Variants in RIN3 observed in about 807,000 individuals in gnomAD.
RIN3 encodes Ras and Rab interactor 3, also known as RAB5 interacting protein 3.
Under a neutral mutation model 76.3 loss-of-function variants are expected in RIN3, and 54 were observed. The ratio of observed to expected loss-of-function variants is 0.71; its 90% CI spans 0.57 to 0.89. The LOEUF is 0.89. RIN3 is among the 40% of genes least tolerant of loss of function. The probability of loss-of-function intolerance (pLI) is 0.00; values close to 1 mark genes in which losing one functional copy is unlikely to be tolerated. For missense variants in RIN3, 1,256 were observed against 1,322.1 expected, an observed-to-expected ratio of 0.95 and a Z score of 0.78; for synonymous variants, 576 against 564.0, an observed-to-expected ratio of 1.02 and a Z score of -0.30.
chr14:92,632,920 C>T (rs1375176897), intron 4 of RIN3, among the ~76,000 whole-genome samples: 3 of 152,184 alleles, frequency 2.0e-5, no homozygotes, highest in African/African-American at 2.4e-5. Context: ...AAGCCTTGAA[C>T]GCCGTGCCTA....
At chr14:92,546,467 C>T (rs922676765) in intron 1 of RIN3, among the ~76,000 whole-genome samples, 1 of 152,208 alleles carries the variant, frequency 6.6e-6, no homozygotes. Context: ...TGCCTTTTAA[C>T]AGCTGTGTCA....
At chr14:92,589,656 A>G (rs1884909331) in intron 3 of RIN3, among the ~76,000 whole-genome samples, 1 of 152,232 alleles carries the variant, frequency 6.6e-6, no homozygotes, top group Non-Finnish European at 1.5e-5. Flanking sequence ...AAATGGGCTC[A>G]TAATCATAGT....
intron 1 of RIN3, among the ~76,000 whole-genome samples, chr14:92,535,427 G>A (rs886630299): frequency 1.3e-5 from 2 of 149,710 alleles, no homozygotes; most frequent in Non-Finnish European, 3.0e-5. Context: ...TCCACCTCCC[G>A]GGCGAGCTTT....
chr14:92,612,270 A>C (rs1337632517), intron 3 of RIN3, among the ~76,000 whole-genome samples: 1 of 151,766 alleles, frequency 6.6e-6, no homozygotes, highest in Non-Finnish European at 1.5e-5. Context: ...AGGAACCCAC[A>C]GGCAAGACAC....
chr14:92,576,403 C>A, intron 2 of RIN3: 1 of 1,289,674 alleles, frequency 7.8e-7, no homozygotes, highest in Non-Finnish European at 1.0e-6. Context: ...GTTTCTAGAG[C>A]ACAGCTGCGT....
intron 1 of RIN3, among the ~76,000 whole-genome samples, chr14:92,529,414 A>G (rs1401004023): frequency 5.3e-5 from 8 of 151,486 alleles, no homozygotes; most frequent in African/African-American, 1.9e-4. Flanking sequence ...ACGCCCGGCT[A>G]ATTTTTTGTA....
rs569443744 is a variant in RIN3, at chr14:92,613,066, T to C, written c.368-2341T>C. Among the ~76,000 whole-genome samples the C allele has an allele frequency of 2.0e-5, 3 of 152,328 alleles. No homozygotes were observed. The East Asian group carries it at 5.8e-4, about 29-fold the overall frequency. ...CCTCAATGGGAAGGAAAGCCGCTGA[T>C]TGTTGAGTATGCCTGGTATGTAGGC... On this transcript the variant is annotated intron_variant, in intron 3 of 9. Coordinates refer to ENST00000216487, the MANE Select transcript of RIN3 (RefSeq NM_024832.5).
chr14:92,577,316 C>G (rs1329196826), intron 2 of RIN3, 44 bp from the exon 3 acceptor site: 1 of 1,436,238 alleles, frequency 7.0e-7, no homozygotes, highest in South Asian at 1.2e-5. Flanking sequence ...CACCTTCACC[C>G]AAATCTTTAA....
chr14:92,572,466 CTG>C (rs1255433125), intron 2 of RIN3, among the ~76,000 whole-genome samples: 1 of 152,150 alleles, frequency 6.6e-6, no homozygotes, highest in African/African-American at 2.4e-5. Context: ...TCTTGGGAGA[CTG>C]TGTTTCCCTG....
At chr14:92,650,197 C>T (rs546904193) in intron 5 of RIN3, among the ~76,000 whole-genome samples, 8 of 152,316 alleles carry the variant, frequency 5.3e-5, no homozygotes, top group South Asian at 4.1e-4. Context: ...TGGGAAGTGT[C>T]GCAAGTTCCT....
intron 2 of RIN3, among the ~76,000 whole-genome samples, chr14:92,562,529 T>C (rs1246548041): frequency 6.6e-6 from 1 of 152,222 alleles, no homozygotes; most frequent in Non-Finnish European, 1.5e-5. Context: ...CTTATATCAT[T>C]GTGGAATCAG....
intron 1 of RIN3, among the ~76,000 whole-genome samples, chr14:92,537,506 C>T (rs1260736079): frequency 6.6e-6 from 1 of 152,146 alleles, no homozygotes; most frequent in Non-Finnish European, 1.5e-5. Flanking sequence ...GTATAAGTTC[C>T]CACGATTGCT....
chr14:92,590,114 C>T (rs779628936), intron 3 of RIN3, among the ~76,000 whole-genome samples: 1 of 152,200 alleles, frequency 6.6e-6, no homozygotes, highest in Non-Finnish European at 1.5e-5. Context: ...GGAAGCCAGT[C>T]ATCTAGGGGC....
intron 1 of RIN3, among the ~76,000 whole-genome samples, chr14:92,537,634 C>CTTTTTTTTTTTTTTTTTTTTTTTTTTT (rs576683908): frequency 3.9e-5 from 2 of 51,636 alleles, no homozygotes; most frequent in South Asian, 9.7e-4. Context: ...GCCTTAGGGA[C>CTTTTTTTTTTTTTTTTTTTTTTTTTTT]TTTTTTTTTT....
At chr14:92,564,461 T>C (rs1372899058) in intron 2 of RIN3, among the ~76,000 whole-genome samples, 1 of 152,216 alleles carries the variant, frequency 6.6e-6, no homozygotes, top group Non-Finnish European at 1.5e-5. Flanking sequence ...AGGGCACTGA[T>C]GCTACAAGAG....
At chr14:92,518,789 C>CTCTGTGTGTGTGTG (rs1555379430) in intron 1 of RIN3, among the ~76,000 whole-genome samples, 2 of 128,330 alleles carry the variant, frequency 1.6e-5, no homozygotes, top group South Asian at 2.8e-4. Flanking sequence ...TAAGGGTGGC[C>CTCTGTGTGTGTGTG]TGTGTGTGTG....
chr14:92,576,526 C>A (rs950281300), intron 2 of RIN3: 58 of 703,930 alleles, frequency 8.2e-5, no homozygotes, highest in Non-Finnish European at 1.1e-4. Flanking sequence ...CATGGAGGTC[C>A]CAAGCGTTGA....
chr14:92,649,595 C>T (rs772028804), intron 5 of RIN3, among the ~76,000 whole-genome samples: 4 of 152,292 alleles, frequency 2.6e-5, no homozygotes, highest in Non-Finnish European at 5.9e-5. Context: ...TGTATGTACT[C>T]GAGGCAAGGT....
chr14:92,611,185 A>T (rs543658710), intron 3 of RIN3, among the ~76,000 whole-genome samples: 1 of 151,936 alleles, frequency 6.6e-6, no homozygotes, highest in Admixed American at 6.6e-5. Context: ...GTTGCTGCCA[A>T]TCTTTGGCAT....
Sources: gnomAD v4.1 joint callset for allele counts (sites outside exome capture counted in the v4.1 genomes callset) on GRCh38, gnomAD v4.1.1 for gene constraint, MANE v1.5 for transcripts, NCBI Gene and HGNC (gene_info 2026-07-23, HGNC 2026-07-21) for gene names.